Variants in XKR4 observed in about 807,000 individuals in gnomAD.
The protein encoded by XKR4 is XK-related protein 4.
A neutral mutation model predicts 53.9 loss-of-function variants in XKR4; 12 were observed. The observed-to-expected ratio is 0.22, with a 90% confidence interval of 0.14 to 0.36. The LOEUF is 0.36. Ranked by LOEUF, XKR4 falls within the 10% of genes least tolerant of loss-of-function variation. The pLI is 1.00. For synonymous variants in XKR4, 354 were observed against 362.4 expected (o/e 0.98, Z 0.26); for missense variants, 799 against 859.5 (o/e 0.93, Z 0.88).
chr8:55,249,768 G>A (rs1257585047), intron 1 of XKR4, among the ~76,000 whole-genome samples: 1 of 152,096 alleles, frequency 6.6e-6, no homozygotes, highest in Admixed American at 6.6e-5. Context: ...GTCTTATTTA[G>A]GATTGTCTAG....
In XKR4 at chr8:55,454,335, G is replaced by A. The variant is rs1805518188; in HGVS notation, c.1007-68946G>A. 7 of 1,503,896 alleles carry A rather than the reference G, an allele frequency of 4.7e-6. No individual in the cohort carries two copies. The Admixed American group carries it at 5.0e-5, about 11-fold the overall frequency. 93.2% of individuals were successfully genotyped at this position (1,503,896 alleles called of 1,614,324 possible). A position where few individuals can be genotyped will look rare whatever the true frequency, so the allele number is the denominator to read the frequency against. On this transcript the variant is annotated intron_variant, in intron 2 of 2. Coordinates refer to ENST00000327381, the MANE Select transcript of XKR4 (RefSeq NM_052898.2). ...ATTATGAAGGGCGTGGGTGTGCTGA[G>A]GGCCTCCAGCAGCTGGGCCGGCAGG... is the stretch of plus-strand genomic sequence containing the variant.
chr8:55,462,892 T>C (rs1172144545), intron 2 of XKR4, among the ~76,000 whole-genome samples: 1 of 152,262 alleles, frequency 6.6e-6, no homozygotes, highest in Non-Finnish European at 1.5e-5. Context: ...CATTACATAA[T>C]GGTAAAGGGA....
chr8:55,161,684 C>G (rs1050759179), intron 1 of XKR4: 1 of 453,570 alleles, frequency 2.2e-6, no homozygotes, highest in Admixed American at 2.4e-5. Context: ...GTACCTGGTA[C>G]CTGCCTACTG....
chr8:55,303,112 A>G (rs1256836799), intron 1 of XKR4, among the ~76,000 whole-genome samples: 2 of 152,220 alleles, frequency 1.3e-5, no homozygotes, highest in Non-Finnish European at 2.9e-5. Flanking sequence ...TTGCCCATTC[A>G]GTATGATATT....
At chr8:55,293,562 A>C (rs1180190171) in intron 1 of XKR4, among the ~76,000 whole-genome samples, 3 of 152,156 alleles carry the variant, frequency 2.0e-5, no homozygotes, top group African/African-American at 7.2e-5. Context: ...TTTGAGAAAC[A>C]CTTTATATAT....
At chr8:55,184,766 C>CAA (rs2129360233) in intron 1 of XKR4, among the ~76,000 whole-genome samples, 1 of 152,272 alleles carries the variant, frequency 6.6e-6, no homozygotes, top group East Asian at 1.9e-4. Flanking sequence ...TCTCCAATGT[C>CAA]AACCTTAACT....
chr8:55,331,185 TTTCCTTGTGATTTC>T (rs1195305079), intron 1 of XKR4, among the ~76,000 whole-genome samples: 1 of 152,158 alleles, frequency 6.6e-6, no homozygotes, highest in Non-Finnish European at 1.5e-5. Context: ...ACTTTCTAAT[TTTCCTTGTGATTTC>T]TTCCTTGGGC....
At chr8:55,271,324 A>C (rs566155751) in intron 1 of XKR4, among the ~76,000 whole-genome samples, 2 of 152,370 alleles carry the variant, frequency 1.3e-5, no homozygotes, top group Admixed American at 1.3e-4. Context: ...GGCAGAAAGC[A>C]GAGTGGCTAT....
chr8:55,327,668 T>A (rs1013438263), intron 1 of XKR4, among the ~76,000 whole-genome samples: 1 of 152,250 alleles, frequency 6.6e-6, no homozygotes, highest in Non-Finnish European at 1.5e-5. Flanking sequence ...TTAATACATA[T>A]AAGTATAGCA....
At chr8:55,194,572 A>C (rs1191026958) in intron 1 of XKR4, among the ~76,000 whole-genome samples, 1 of 152,232 alleles carries the variant, frequency 6.6e-6, no homozygotes, top group African/African-American at 2.4e-5. Flanking sequence ...TTGGAAAAAA[A>C]TGATGGCTCT....
chr8:55,453,131 C>T (rs901286989), intron 2 of XKR4: 24 of 527,588 alleles, frequency 4.5e-5, no homozygotes, highest in Admixed American at 1.3e-4. Flanking sequence ...CAGTAGAACA[C>T]GGCCTCCCAG....
chr8:55,508,215 T>C (rs987880608), intron 2 of XKR4, among the ~76,000 whole-genome samples: 3 of 152,156 alleles, frequency 2.0e-5, no homozygotes, highest in Non-Finnish European at 4.4e-5. Context: ...GTTGGATTCT[T>C]AATGATTTGT....
chr8:55,238,357 A>G (rs1311221940), intron 1 of XKR4, among the ~76,000 whole-genome samples: 2 of 152,234 alleles, frequency 1.3e-5, no homozygotes, highest in Admixed American at 1.3e-4. Flanking sequence ...GTGGATCATC[A>G]TAAAGGTGTT....
At chr8:55,416,207 T>C (rs917342156) in intron 2 of XKR4, among the ~76,000 whole-genome samples, 1 of 152,130 alleles carries the variant, frequency 6.6e-6, no homozygotes, top group Non-Finnish European at 1.5e-5. Context: ...ACGAGAAAAG[T>C]CCATAGGTAA....
chr8:55,136,144 C>T (rs902251088), intron 1 of XKR4, among the ~76,000 whole-genome samples: 3 of 152,128 alleles, frequency 2.0e-5, no homozygotes, highest in Admixed American at 6.6e-5. Flanking sequence ...CGCCCCCCTT[C>T]GCCTCCCAAA....
At chr8:55,516,000 G>C (rs992898927) in intron 2 of XKR4, among the ~76,000 whole-genome samples, 7 of 152,182 alleles carry the variant, frequency 4.6e-5, no homozygotes, top group African/African-American at 1.7e-4. Context: ...TCTGATGCCT[G>C]TTCTCATTGC....
Position 55,103,042 on chromosome 8 carries a change from G to T in XKR4, c.554G>T (p.Cys185Phe), listed in dbSNP as rs1416577223. The T allele has an allele frequency of 6.2e-7, 1 of 1,612,674 alleles. No individual in the cohort carries two copies. Among genetic ancestry groups the T allele is most frequent in the Admixed American group, 1.7e-5 (1 of 59,998 alleles). ...DSATAAAASSCPQPGADCKTV... is the reference protein window; with the variant it reads ...DSATAAAASSFPQPGADCKTV... ...GCCACGGCCGCTGCTGCCTCCAGCT[G>T]CCCGCAGCCTGGAGCCGATTGCAAG... The change falls in exon 1 of 3, where the codon TGC (cysteine) becomes TTC (phenylalanine). Residue 185 changes from cysteine (C) to phenylalanine (F), a missense_variant. Physicochemically the swap from Cys to Phe is radical, Grantham distance 205. Around this residue, in one of 3 missense-constraint regions of XKR4, gnomAD observed 476 missense variants for 505.4 expected, o/e 0.94. Transcript: ENST00000327381.
chr8:55,443,772 C>T (rs759410440), intron 2 of XKR4, among the ~76,000 whole-genome samples: 21 of 133,198 alleles, frequency 1.6e-4, no homozygotes, highest in African/African-American at 5.2e-4. Context: ...ATCCAGGAGG[C>T]GGAGGTTTCA....
At chr8:55,434,465 T>A (rs117354189) in intron 2 of XKR4, among the ~76,000 whole-genome samples, 376 of 151,350 alleles carry the variant, frequency 2.5e-3, no homozygotes, top group Non-Finnish European at 3.9e-3. Context: ...CAATCAAGAC[T>A]GTTTAGATAT....
Sources: gnomAD v4.1 joint callset for allele counts (sites outside exome capture counted in the v4.1 genomes callset) on GRCh38, gnomAD v4.1.1 for gene constraint, gnomAD v4.1.1 regional missense constraint, MANE v1.5 for transcripts, NCBI Gene and HGNC (gene_info 2026-07-23, HGNC 2026-07-21) for gene names.